Variants in CD5 observed in about 807,000 individuals in gnomAD.
CD5 encodes the protein T-cell surface glycoprotein CD5.
In CD5, 36 loss-of-function variants were observed where a neutral mutation model predicts 60.3. That is an observed-to-expected ratio of 0.60 (90% confidence interval 0.46 to 0.79). CD5 has a LOEUF of 0.79. Among genes scored for constraint, CD5 ranks in the 30% least tolerant of loss-of-function variants. The pLI, the probability that CD5 is intolerant of heterozygous loss-of-function variation, is 0.00. For missense variants in CD5, 540 were observed against 630.6 expected (o/e 0.86, Z 1.54); for synonymous variants, 230 against 257.6 (o/e 0.89, Z 1.03).
intron 8 of CD5, among the ~76,000 whole-genome samples, chr11:61,124,467 G>A (rs1041259730): frequency 6.6e-6 from 1 of 152,144 alleles, no homozygotes; most frequent in African/African-American, 2.4e-5. Context: ...AACTTACAGG[G>A]CCAGTATTAG....
chr11:61,103,297 TTG>T (rs1860727870), intron 1 of CD5, among the ~76,000 whole-genome samples: 1 of 152,172 alleles, frequency 6.6e-6, no homozygotes, highest in Non-Finnish European at 1.5e-5. Context: ...TCTCCAGGCC[TTG>T]ATCTCCCCAT....
chr11:61,106,011 G>A lies in CD5; in HGVS notation c.55+3396G>A, dbSNP rs191922630. Among the ~76,000 whole-genome samples the A allele has an allele frequency of 1.1e-3, 168 of 151,506 alleles. 3 individuals carry two copies. The highest frequency in any genetic ancestry group is 3.7e-3 in the African/African-American group (154 of 41,238). On this transcript the variant is annotated intron_variant, in intron 1 of 10. Coordinates refer to ENST00000347785, the MANE Select transcript of CD5 (RefSeq NM_014207.4). Reference sequence around the variant, plus strand: ...GTGGTGGCACGCACCTGTAATGCCAGCTACTCAGGAGGCTGAGGCAGGAGA... The same window carrying A: ...GTGGTGGCACGCACCTGTAATGCCAACTACTCAGGAGGCTGAGGCAGGAGA...
chr11:61,125,837 T>C lies in CD5; in HGVS notation c.1486T>C (p.Ter496GlnextTer17). 1.2e-6 allele frequency: 2 copies of C among 1,604,442 alleles called. No individual in the cohort carries two copies. Among genetic ancestry groups the C allele is most frequent in the South Asian group, 1.1e-5 (1 of 90,092 alleles). Reference protein sequence around the residue: ...DYDLHGAQRL* With the variant: ...DYDLHGAQRLQ ...TGATCTGCATGGGGCTCAGAGGCTGTAAAGGTGAGCCCGTCTCCAGCCTGA... is the reference window on the plus strand; with the variant it reads ...TGATCTGCATGGGGCTCAGAGGCTGCAAAGGTGAGCCCGTCTCCAGCCTGA... The change falls in exon 10 of 11, where the codon TAA becomes CAA. Residue 496 changes from the stop codon to glutamine, a stop_lost. Transcript: ENST00000347785.
upstream of CD5, among the ~76,000 whole-genome samples, chr11:61,102,153 C>A (rs1303719094): frequency 6.6e-6 from 1 of 152,210 alleles, no homozygotes; most frequent in African/African-American, 2.4e-5. Flanking sequence ...CAGACCCCTG[C>A]CTCAGGGACG....
At chr11:61,111,580 A>G (rs1590768712) in intron 1 of CD5, among the ~76,000 whole-genome samples, 1 of 152,248 alleles carries the variant, frequency 6.6e-6, no homozygotes, top group Admixed American at 6.5e-5. Flanking sequence ...TTGTAAGCTG[A>G]AAACATCCTA....
In CD5 at chr11:61,125,782, GC is replaced by G; in HGVS notation, c.1432del (p.Gln478SerfsTer138). The G allele has an allele frequency of 1.9e-6, 3 of 1,612,294 alleles. No homozygotes were observed. The highest frequency in any genetic ancestry group is 2.5e-6 in the Non-Finnish European group (3 of 1,179,004). On this transcript the variant is annotated frameshift_variant, in exon 10 of 11. Coordinates refer to ENST00000347785, the MANE Select transcript of CD5 (RefSeq NM_014207.4). LOFTEE classifies it high-confidence loss of function. ...LEGALHRSSM[Q>X]PDNSSDSDYD... Reference sequence around the variant, plus strand: ...AAGGGGCTCTGCATCGCTCCTCCATGCAGCCTGACAACTCCTCCGACAGTGA... The same window carrying G: ...AAGGGGCTCTGCATCGCTCCTCCATGAGCCTGACAACTCCTCCGACAGTGA...
intron 1 of CD5, among the ~76,000 whole-genome samples, chr11:61,113,518 T>C (rs1032669912): frequency 2.6e-5 from 4 of 152,210 alleles, no homozygotes; most frequent in African/African-American, 9.7e-5. Flanking sequence ...GCTACACTAC[T>C]GTGGGCAGGT....
At chr11:61,109,246 G>A (rs995995714) in intron 1 of CD5, among the ~76,000 whole-genome samples, 12 of 152,360 alleles carry the variant, frequency 7.9e-5, no homozygotes, top group Admixed American at 5.9e-4. Context: ...TGACCTGAAC[G>A]AATGGGAGGC....
At chr11:61,125,220 A>G in intron 9 of CD5, 69 bp downstream of exon 9, 1 of 1,584,058 alleles carries the variant, frequency 6.3e-7, no homozygotes. Flanking sequence ...AGGTCACGTG[A>G]TGCCCTTGAA....
intron 1 of CD5, among the ~76,000 whole-genome samples, chr11:61,113,520 T>C (rs1475622319): frequency 6.6e-6 from 1 of 152,234 alleles, no homozygotes; most frequent in African/African-American, 2.4e-5. Flanking sequence ...TACACTACTG[T>C]GGGCAGGTCA....
chr11:61,114,897 G>C (rs1860915945), intron 1 of CD5, among the ~76,000 whole-genome samples, 159 bp from the exon 2 acceptor site: 1 of 152,024 alleles, frequency 6.6e-6, no homozygotes, highest in African/African-American at 2.4e-5. Flanking sequence ...ATCACTCAGG[G>C]GTTCCAACCT....
chr11:61,098,523 C>T (rs1860612462), upstream of CD5, among the ~76,000 whole-genome samples: 1 of 152,162 alleles, frequency 6.6e-6, no homozygotes, highest in South Asian at 2.1e-4. Context: ...AAAGATCGAC[C>T]CCTGACCTAA....
rs139956085 is a variant in CD5, at chr11:61,125,044, G to A, written c.1292G>A (p.Arg431His). ...TGMNQNMSFH[R>H]NHTATVRSHA... ...ACCATCTGCCCAGTGTCTTTCCATC[G>A]CAACCACACGGCAACCGTCCGATCC... is the stretch of plus-strand genomic sequence containing the variant. The change falls in exon 9 of 11, where the codon CGC becomes CAC. Residue 431 changes from arginine (R) to histidine (H), a missense_variant. Arg to His is a conservative substitution (Grantham distance 29). Coordinates refer to ENST00000347785, the MANE Select transcript of CD5 (RefSeq NM_014207.4). 66 of 1,613,814 alleles carry A rather than the reference G, an allele frequency of 4.1e-5. No individual in the cohort carries two copies. Among genetic ancestry groups the A allele is most frequent in the East Asian group, 8.9e-5 (4 of 44,872 alleles).
At chr11:61,120,830 C>G (rs1565186550) in intron 5 of CD5, among the ~76,000 whole-genome samples, 1 of 152,232 alleles carries the variant, frequency 6.6e-6, no homozygotes, top group Non-Finnish European at 1.5e-5. Flanking sequence ...CCACCGGCCC[C>G]TCAGCTACTA....
chr11:61,106,650 C>CATCT, intron 1 of CD5, among the ~76,000 whole-genome samples: 2 of 152,280 alleles, frequency 1.3e-5, no homozygotes, highest in Middle Eastern at 3.4e-3. Context: ...ATTGATTGAA[C>CATCT]ATCTATTCTG....
intron 7 of CD5, among the ~76,000 whole-genome samples, chr11:61,123,237 G>A (rs1861096034): frequency 6.6e-6 from 1 of 150,980 alleles, no homozygotes; most frequent in South Asian, 2.1e-4. Context: ...AATTGCAATT[G>A]CTGATTTGTC....
chr11:61,123,471 G>A (rs1470646511), intron 7 of CD5, among the ~76,000 whole-genome samples: 2 of 152,150 alleles, frequency 1.3e-5, no homozygotes, highest in African/African-American at 4.8e-5. Context: ...CGCACACCTT[G>A]TGAACGCGGG....
intron 9 of CD5, 148 bp from the exon 10 acceptor site, chr11:61,125,603 T>C (rs1241803697): frequency 5.4e-6 from 3 of 555,994 alleles, no homozygotes; most frequent in Non-Finnish European, 6.4e-6. Context: ...AGTGAACGTT[T>C]GGCTGATTTG....
intron 1 of CD5, among the ~76,000 whole-genome samples, chr11:61,109,050 T>C (rs1590767590): frequency 6.6e-6 from 1 of 152,038 alleles, no homozygotes; most frequent in Non-Finnish European, 1.5e-5. Flanking sequence ...GGGCCAGGAG[T>C]GCAGGTTACA....
Sources: allele counts gnomAD v4.1 joint callset (sites outside exome capture counted in the v4.1 genomes callset), GRCh38; gene constraint gnomAD v4.1.1; transcripts MANE v1.5; gene names NCBI Gene and HGNC (gene_info 2026-07-23, HGNC 2026-07-21).